Variants in HEMK2 observed in about 807,000 individuals in gnomAD.
HEMK2 encodes methyltransferase HEMK2.
the HEMK2 span, among the ~76,000 whole-genome samples, chr21:28,699,389 G>A: frequency 1.3e-5 from 2 of 152,122 alleles, no homozygotes; most frequent in Non-Finnish European, 2.9e-5. Context: ...CCACATTTAG[G>A]AAAAATGAAT....
the HEMK2 span, among the ~76,000 whole-genome samples, chr21:28,730,458 A>T: frequency 6.8e-5 from 10 of 146,536 alleles, no homozygotes; most frequent in African/African-American, 2.1e-4. Context: ...TGGGTACGGC[A>T]TGGCTTCTCT....
chr21:28,619,759 C>G, the HEMK2 span, among the ~76,000 whole-genome samples: 1 of 152,150 alleles, frequency 6.6e-6, no homozygotes, highest in Admixed American at 6.5e-5. Flanking sequence ...AATTGATGTT[C>G]CTATTGAAGT....
the HEMK2 span, among the ~76,000 whole-genome samples, chr21:28,730,914 C>G: frequency 1.3e-5 from 2 of 152,058 alleles, no homozygotes; most frequent in Non-Finnish European, 2.9e-5. Context: ...GGCAGCCCAC[C>G]GTGACAGACA....
At chr21:28,792,286 C>T in the HEMK2 span, among the ~76,000 whole-genome samples, 2 of 152,160 alleles carry the variant, frequency 1.3e-5, no homozygotes, top group East Asian at 3.9e-4. Flanking sequence ...GCCTGTTCTG[C>T]CTATGGAGTA....
At chr21:28,867,777 A>G in the HEMK2 span, among the ~76,000 whole-genome samples, 3 of 152,120 alleles carry the variant, frequency 2.0e-5, no homozygotes, top group Non-Finnish European at 4.4e-5. Flanking sequence ...TTTTCTTTAT[A>G]ATGCCTTTTG....
the HEMK2 span, among the ~76,000 whole-genome samples, chr21:28,813,990 C>T: frequency 6.6e-6 from 1 of 152,132 alleles, no homozygotes; most frequent in Non-Finnish European, 1.5e-5. Context: ...TTAATCACAG[C>T]ACTTTGGGCG....
the HEMK2 span, among the ~76,000 whole-genome samples, chr21:28,820,840 G>A: frequency 2.0e-5 from 3 of 152,154 alleles, no homozygotes; most frequent in Non-Finnish European, 4.4e-5. Context: ...TGGGGAAGCT[G>A]AAATGCAGGG....
chr21:28,878,890 A>G, the HEMK2 span, among the ~76,000 whole-genome samples: 2 of 149,308 alleles, frequency 1.3e-5, no homozygotes, highest in Non-Finnish European at 1.5e-5. Flanking sequence ...TGTGAAACAC[A>G]TAGATCTTTT....
At chr21:28,849,368 A>C in the HEMK2 span, among the ~76,000 whole-genome samples, 2 of 152,112 alleles carry the variant, frequency 1.3e-5, no homozygotes, top group Non-Finnish European at 1.5e-5. Flanking sequence ...ACAAAAAAAA[A>C]CCCATCCAAA....
the HEMK2 span, among the ~76,000 whole-genome samples, chr21:28,795,085 A>G: frequency 1.3e-5 from 2 of 152,242 alleles, no homozygotes; most frequent in Admixed American, 1.3e-4. Flanking sequence ...GAGAATGAAC[A>G]ATATCCCTAT....
chr21:28,601,818 G>GA, the HEMK2 span, among the ~76,000 whole-genome samples: 5 of 152,158 alleles, frequency 3.3e-5, no homozygotes, highest in Admixed American at 1.3e-4. Flanking sequence ...TGAATGAATG[G>GA]ATGTCTGAAA....
the HEMK2 span, among the ~76,000 whole-genome samples, chr21:28,839,219 C>G: frequency 6.6e-6 from 1 of 151,728 alleles, no homozygotes; most frequent in East Asian, 1.9e-4. Context: ...AAGGGACATA[C>G]CTTAATGTAA....
At chr21:28,852,707 G>A in the HEMK2 span, among the ~76,000 whole-genome samples, 1 of 152,182 alleles carries the variant, frequency 6.6e-6, no homozygotes, top group Non-Finnish European at 1.5e-5. Flanking sequence ...GAAATTGATT[G>A]ACGGGCCATG....
At chr21:28,803,977 T>C in the HEMK2 span, among the ~76,000 whole-genome samples, 1 of 152,244 alleles carries the variant, frequency 6.6e-6, no homozygotes, top group South Asian at 2.1e-4. Context: ...TTATCAACAC[T>C]GTACTGCTAA....
At chr21:28,832,292 G>A in the HEMK2 span, among the ~76,000 whole-genome samples, 3 of 152,184 alleles carry the variant, frequency 2.0e-5, no homozygotes, top group Non-Finnish European at 2.9e-5. Context: ...TTAGCCAAAG[G>A]TGATACAATC....
the HEMK2 span, among the ~76,000 whole-genome samples, chr21:28,826,258 A>T: frequency 6.6e-6 from 1 of 152,208 alleles, no homozygotes; most frequent in Admixed American, 6.5e-5. Flanking sequence ...GAGCCCTGAT[A>T]AGTACACATC....
At chr21:28,748,194 A>T in the HEMK2 span, among the ~76,000 whole-genome samples, 2 of 152,222 alleles carry the variant, frequency 1.3e-5, no homozygotes, top group Non-Finnish European at 2.9e-5. Context: ...GGATCATTCA[A>T]ACCCCAAGTC....
the HEMK2 span, among the ~76,000 whole-genome samples, chr21:28,668,094 TC>T: frequency 6.6e-6 from 1 of 152,040 alleles, no homozygotes; most frequent in Admixed American, 6.6e-5. Context: ...AAGCCAATTT[TC>T]CCCCTTTTCA....
chr21:28,698,438 T>C, the HEMK2 span, among the ~76,000 whole-genome samples: 3 of 152,214 alleles, frequency 2.0e-5, no homozygotes, highest in Non-Finnish European at 4.4e-5. Flanking sequence ...TTACTGACAT[T>C]ATAATTGTAA....
Sources: allele counts gnomAD v4.1 joint callset (sites outside exome capture counted in the v4.1 genomes callset), GRCh38; gene constraint gnomAD v4.1.1; transcripts MANE v1.5; gene names NCBI Gene and HGNC (gene_info 2026-07-23, HGNC 2026-07-21).